The following SPG7 variants were observed in gnomAD, a reference collection of about 807,000 sequenced individuals.
SPG7 encodes SPG7 matrix AAA peptidase subunit, paraplegin, also known as mitochondrial inner membrane m-AAA protease component paraplegin.
SPG7 carries 103 observed loss-of-function variants against 81.9 expected under a neutral mutation model. That is an observed-to-expected ratio of 1.26 (90% CI 1.07 to 1.48). The LOEUF (loss-of-function observed/expected upper bound fraction) is 1.48. SPG7 is among the 40% of genes most tolerant of loss of function. The probability of loss-of-function intolerance (pLI) is 0.00; values close to 1 mark genes in which losing one functional copy is unlikely to be tolerated. For synonymous variants in SPG7, 534 were observed against 444.2 expected, an observed-to-expected ratio of 1.20 and a Z score of -2.54; for missense variants, 1,241 against 1,087.3, an observed-to-expected ratio of 1.14 and a Z score of -1.99.
intron 1 of SPG7, among the ~76,000 whole-genome samples, 166 bp from the exon 2 acceptor site, chr16:89,510,324 C>T (rs149595973): frequency 4.9e-4 from 75 of 152,274 alleles, no homozygotes; most frequent in African/African-American, 1.4e-3. Context: ...TTGATGTTAC[C>T]TAAAGCTTTG....
intron 4 of SPG7, 75 bp downstream of exon 4, chr16:89,524,322 G>A: frequency 6.5e-7 from 1 of 1,527,452 alleles, no homozygotes; most frequent in Non-Finnish European, 8.8e-7. Context: ...GAGGCTGTGG[G>A]CTCCTGTGAA....
chr16:89,527,092 C>T (rs1468904679), intron 5 of SPG7: 1 of 171,222 alleles, frequency 5.8e-6, no homozygotes, highest in Non-Finnish European at 1.3e-5. Flanking sequence ...TACCCAATAC[C>T]CTGTAAATAC....
At chr16:89,514,907 G>C (rs2058074194) in intron 3 of SPG7, among the ~76,000 whole-genome samples, 1 of 150,106 alleles carries the variant, frequency 6.7e-6, no homozygotes, top group South Asian at 2.1e-4. Context: ...TGAGATTACA[G>C]GTGTGAACCA....
intron 4 of SPG7, 110 bp from the exon 5 acceptor site, chr16:89,526,219 C>T (rs925169206): frequency 3.5e-5 from 45 of 1,278,028 alleles, no homozygotes; most frequent in Admixed American, 5.1e-5. Flanking sequence ...GTCCTCTTCA[C>T]AATGCTGAGG....
intron 9 of SPG7, chr16:89,542,138 C>A (rs2058504185): frequency 6.6e-6 from 1 of 152,368 alleles, no homozygotes; most frequent in South Asian, 2.1e-4. Context: ...TCGCACTGCA[C>A]CTCTTTGGCC....
intron 1 of SPG7, chr16:89,509,080 A>G (rs1597598671): frequency 2.4e-6 from 1 of 409,334 alleles, no homozygotes; most frequent in Non-Finnish European, 5.0e-6. Context: ...GTAGCTCGGC[A>G]CGTTATTGAT....
chr16:89,544,915 C>A, intron 10 of SPG7, 143 bp downstream of exon 10: 1 of 1,024,898 alleles, frequency 9.8e-7, no homozygotes, highest in Non-Finnish European at 1.5e-6. Context: ...GCGTGGCCCC[C>A]GCATCGGCTG....
At position 89,547,416 on chromosome 16, in the gene SPG7, G is replaced by T. The variant is rs16965793; in HGVS notation, c.1553-587G>T. 4.4e-3 allele frequency: 799 copies of T among 180,258 alleles called. 6 individuals are homozygous for T. Among genetic ancestry groups the T allele is most frequent in the African/African-American group, 0.018 (760 of 41,886 alleles). The allele number at this position is 180,258 out of a possible 1,614,324, so 11.2% of individuals were successfully genotyped here. A position where few individuals can be genotyped will look rare whatever the true frequency, so the allele number is the denominator to read the frequency against. ...AGGGCGGATGGAGCCTGGCGGTTCTGTGTCTCGTCTGTGGAATGGCCTCAG... is the reference window on the plus strand; with the variant it reads ...AGGGCGGATGGAGCCTGGCGGTTCTTTGTCTCGTCTGTGGAATGGCCTCAG... On this transcript the variant is annotated intron_variant, in intron 11 of 16. Coordinates refer to ENST00000645818, the MANE Select transcript of SPG7 (RefSeq NM_003119.4).
chr16:89,551,309 A>C (rs903613642), intron 13 of SPG7: 3 of 162,394 alleles, frequency 1.8e-5, no homozygotes, highest in African/African-American at 7.2e-5. Flanking sequence ...CTCAGGGTTC[A>C]CTGCAAACAA....
chr16:89,511,414 C>T (rs1597602270), intron 2 of SPG7, among the ~76,000 whole-genome samples: 1 of 152,172 alleles, frequency 6.6e-6, no homozygotes, highest in African/African-American at 2.4e-5. Context: ...TTCACGCTCC[C>T]CTTTATGGAG....
At position 89,548,021 on chromosome 16, in the gene SPG7, T is replaced by G; in HGVS notation, c.1571T>G (p.Ile524Ser). The G allele has an allele frequency of 1.2e-6, 2 of 1,612,926 alleles. No individual in the cohort carries two copies. Among genetic ancestry groups the G allele is most frequent in the South Asian group, 2.2e-5 (2 of 91,088 alleles). Residue 524 changes from isoleucine to serine, a missense_variant, in exon 12 of 17, where the codon ATC becomes AGC. Physicochemically the swap from Ile to Ser is moderately radical, Grantham distance 142. Transcript: ENST00000645818. ...PGFSGADIAN[I>S]CNEAALHAAR... is the part of the protein sequence containing the mutation. ...TTGACAGGGGCTGACATCGCCAACA[T>G]CTGCAATGAGGCTGCGCTGCACGCG... is the stretch of plus-strand genomic sequence containing the variant.
In SPG7 at chr16:89,510,483, T is replaced by C. The variant is rs1401150047; in HGVS notation, c.184-7T>C. On this transcript the variant is annotated splice_polypyrimidine_tract_variant and splice_region_variant and intron_variant, in intron 1 of 16. Transcript: ENST00000645818. ...GACCTCCAGTATTGTTTTTTTTTTT[T>C]TTTCAGAGCTTACAATTGAGACTGC... The C allele has an allele frequency of 1.9e-6, 3 of 1,570,502 alleles. No homozygotes were observed. The highest frequency in any genetic ancestry group is 2.6e-6 in the Non-Finnish European group (3 of 1,143,720).
In SPG7 at chr16:89,508,477, G is replaced by T; in HGVS notation, c.60G>T (p.Arg20=). ...ALRRGPGPGP[R]PLWGPGPAWS... is the part of the protein sequence containing the mutation. ...GCCGGGGTCCAGGCCCGGGTCCTCGGCCGCTGTGGGGCCCAGGCCCGGCCT... is the reference window on the plus strand; with the variant it reads ...GCCGGGGTCCAGGCCCGGGTCCTCGTCCGCTGTGGGGCCCAGGCCCGGCCT... Residue 20 remains arginine (R), a synonymous_variant, in exon 1 of 17, where the codon CGG becomes CGT. Transcript: ENST00000645818. 6.6e-7 allele frequency: 1 copy of T among 1,509,100 alleles called. No individual in the cohort carries two copies. The allele number at this position is 1,509,100 out of a possible 1,614,324, so 93.5% of individuals were successfully genotyped here. A position where few individuals can be genotyped will look rare whatever the true frequency, so the allele number is the denominator to read the frequency against.
In SPG7 at chr16:89,536,686, G is replaced by T. The variant is rs1452769333; in HGVS notation, c.1324+4050G>T. On this transcript the variant is annotated intron_variant, in intron 9 of 16. Transcript: ENST00000645818. ...AGGCGGGTGAGATCGGGCGAGGCGG[G>T]CGGCTGCGCTGCTCTGGCTGTGTGG... 6 of 1,565,370 alleles carry T rather than the reference G, an allele frequency of 3.8e-6. No homozygotes were observed. In the African/African-American group the frequency reaches 6.8e-5, roughly 18 times the overall value.
chr16:89,551,282 C>T, intron 13 of SPG7: 1 of 168,600 alleles, frequency 5.9e-6, no homozygotes, highest in Admixed American at 5.4e-5. Context: ...GAGAAGGCGG[C>T]AGTGCTGTGT....
chr16:89,556,107 G>A, intron 16 of SPG7: 4 of 398,852 alleles, frequency 1.0e-5, no homozygotes, highest in Non-Finnish European at 1.8e-5. Flanking sequence ...CACTGGCTGA[G>A]GAGTGGTGTG....
chr16:89,513,144 C>T (rs149375756), intron 3 of SPG7, 107 bp downstream of exon 3: 8 of 1,483,236 alleles, frequency 5.4e-6, no homozygotes, highest in South Asian at 2.4e-5. Context: ...GGAGATGGGC[C>T]GGGTGCAGTG....
chr16:89,548,179 C>A, intron 12 of SPG7, 66 bp downstream of exon 12: 1 of 1,149,824 alleles, frequency 8.7e-7, no homozygotes, highest in Non-Finnish European at 1.3e-6. Context: ...AATACCCAGG[C>A]AGGTATTGAG....
In SPG7 at chr16:89,552,980, T is replaced by C. The variant is rs2152411842; in HGVS notation, c.1781T>C (p.Val594Ala). 2.5e-6 allele frequency: 4 copies of C among 1,613,734 alleles called. No individual in the cohort carries two copies. The highest frequency in any genetic ancestry group is 3.4e-6 in the Non-Finnish European group (4 of 1,179,858). The change falls in exon 14 of 17, where the codon GTC (valine) becomes GCC (alanine). Residue 594 changes from valine (V) to alanine (A), a missense_variant and splice_region_variant. Val to Ala is a moderately conservative substitution (Grantham distance 64). Coordinates refer to ENST00000645818, the MANE Select transcript of SPG7 (RefSeq NM_003119.4). Reference protein sequence around the residue: ...MLEHTEAVMKVSITPRTNAAL... With the variant: ...MLEHTEAVMKASITPRTNAAL... The stretch of plus-strand genomic sequence containing the variant: ...TGGGTCATCTTGACCTTGTGCCAGG[T>C]CTCCATAACCCCTCGGACAAACGCC...
Sources: allele counts gnomAD v4.1 joint callset (sites outside exome capture counted in the v4.1 genomes callset), GRCh38; gene constraint gnomAD v4.1.1; transcripts MANE v1.5; gene names NCBI Gene and HGNC (gene_info 2026-07-23, HGNC 2026-07-21).